The following MRAP2 variants were observed in gnomAD, a reference collection of about 807,000 sequenced individuals.
MRAP2 encodes the protein melanocortin 2 receptor accessory protein 2, also known as melanocortin-2 receptor accessory protein 2.
MRAP2 carries 20 observed loss-of-function variants against 17.4 expected under a neutral mutation model. The ratio of observed to expected loss-of-function variants is 1.15; its 90% CI spans 0.81 to 1.67. MRAP2 has a LOEUF of 1.67. Among genes scored for constraint, MRAP2 ranks in the 40% most tolerant of loss-of-function variants. The pLI, the probability that MRAP2 is intolerant of heterozygous loss-of-function variation, is 0.00. For synonymous variants in MRAP2, 96 were observed against 88.4 expected, an observed-to-expected ratio of 1.09 and a Z score of -0.48; for missense variants, 238 against 240.0, an observed-to-expected ratio of 0.99 and a Z score of 0.05.
At chr6:84,120,627 T>C in the MRAP2 span, among the ~76,000 whole-genome samples, 1 of 152,158 alleles carries the variant, frequency 6.6e-6, no homozygotes, top group African/African-American at 2.4e-5. Context: ...GAATATAGAA[T>C]CGTCATCAAA....
chr6:84,057,433 G>A (rs2497113), intron 2 of MRAP2, among the ~76,000 whole-genome samples: 47,724 of 152,058 alleles, frequency 0.31, 9,114 homozygotes, highest in African/African-American at 0.54. Flanking sequence ...TCTTTAGACT[G>A]AGTTCCTCTG....
chr6:84,062,009 G>A, intron 2 of MRAP2: 2 of 985,418 alleles, frequency 2.0e-6, no homozygotes, highest in Non-Finnish European at 2.4e-6. Flanking sequence ...CACTCAAGAG[G>A]CCATCTGTAT....
the MRAP2 span, among the ~76,000 whole-genome samples, chr6:84,114,588 A>C: frequency 1.3e-5 from 2 of 152,096 alleles, no homozygotes; most frequent in East Asian, 3.9e-4. Flanking sequence ...CAGTTCGTCA[A>C]ACTCATTCTC....
intron 3 of MRAP2, among the ~76,000 whole-genome samples, chr6:84,070,610 A>C (rs929507710): frequency 6.6e-6 from 1 of 152,186 alleles, no homozygotes; most frequent in African/African-American, 2.4e-5. Context: ...TGTAAAGTCC[A>C]TTTGTTTAAA....
intron 3 of MRAP2, among the ~76,000 whole-genome samples, chr6:84,086,823 A>C (rs1225759613): frequency 3.3e-5 from 5 of 152,178 alleles, no homozygotes; most frequent in Non-Finnish European, 7.3e-5. Context: ...CTTGTGCCTT[A>C]GTTCTCCAGC....
the MRAP2 span, among the ~76,000 whole-genome samples, chr6:84,137,906 C>T: frequency 6.6e-6 from 1 of 152,102 alleles, no homozygotes; most frequent in Non-Finnish European, 1.5e-5. Context: ...GATTTTCACC[C>T]CATTGCAGCA....
chr6:84,129,679 T>C, the MRAP2 span, among the ~76,000 whole-genome samples: 1 of 152,182 alleles, frequency 6.6e-6, no homozygotes, highest in Non-Finnish European at 1.5e-5. Context: ...TTTAATTAGA[T>C]CCCATTTGTC....
At chr6:84,081,429 G>A (rs2099498971) in intron 3 of MRAP2, among the ~76,000 whole-genome samples, 1 of 152,188 alleles carries the variant, frequency 6.6e-6, no homozygotes, top group Non-Finnish European at 1.5e-5. Flanking sequence ...GTCATGGGAG[G>A]AACCTGGTAG....
chr6:84,053,135 G>A (rs2099490861), intron 1 of MRAP2, among the ~76,000 whole-genome samples: 1 of 152,136 alleles, frequency 6.6e-6, no homozygotes, highest in Non-Finnish European at 1.5e-5. Context: ...CGTGGCCGTG[G>A]GAGAACAGCT....
At chr6:84,124,216 A>T in the MRAP2 span, 1 of 152,158 alleles carries the variant, frequency 6.6e-6, no homozygotes, top group Admixed American at 6.6e-5. Context: ...CTGGGAATCT[A>T]CCCAAAGGAA....
At chr6:84,100,091 C>T in the MRAP2 span, among the ~76,000 whole-genome samples, 1 of 151,978 alleles carries the variant, frequency 6.6e-6, no homozygotes, top group Non-Finnish European at 1.5e-5. Context: ...AACTCCTGGC[C>T]CCAAGTGATC....
At chr6:84,063,487 G>A in intron 3 of MRAP2, 4 of 907,526 alleles carry the variant, frequency 4.4e-6, no homozygotes, top group Non-Finnish European at 5.3e-6. Context: ...TTAAAACTAG[G>A]ATACAAAGGC....
chr6:84,113,238 G>T, the MRAP2 span, among the ~76,000 whole-genome samples: 1 of 152,098 alleles, frequency 6.6e-6, no homozygotes, highest in Non-Finnish European at 1.5e-5. Context: ...CTCTTTGTAG[G>T]TCTCTCAGAA....
the MRAP2 span, among the ~76,000 whole-genome samples, chr6:84,117,645 GTGTGTCTGTGTGT>G: frequency 1.9e-5 from 2 of 104,514 alleles, no homozygotes; most frequent in African/African-American, 1.7e-4. Context: ...GATGTGGGGT[GTGTGTCTGTGTGT>G]GTGTGTGTGT....
the MRAP2 span, among the ~76,000 whole-genome samples, chr6:84,130,741 T>C: frequency 1.3e-5 from 2 of 152,140 alleles, no homozygotes; most frequent in African/African-American, 4.8e-5. Context: ...ATTTGATTCT[T>C]CTCTCTTCTC....
At chr6:84,064,699 G>T (rs910670530) in intron 3 of MRAP2, among the ~76,000 whole-genome samples, 4 of 152,172 alleles carry the variant, frequency 2.6e-5, no homozygotes, top group Non-Finnish European at 5.9e-5. Context: ...ATGTTAGCCA[G>T]GATGGTCTCG....
At chr6:84,138,045 T>C in the MRAP2 span, among the ~76,000 whole-genome samples, 1 of 152,260 alleles carries the variant, frequency 6.6e-6, no homozygotes, top group Admixed American at 6.5e-5. Flanking sequence ...CTTTGCTTTA[T>C]GCTGAAAACT....
chr6:84,082,503 C>A (rs2129174440), intron 3 of MRAP2, among the ~76,000 whole-genome samples: 1 of 152,238 alleles, frequency 6.6e-6, no homozygotes, highest in Admixed American at 6.5e-5. Context: ...TACTTTAGAA[C>A]AAAAATTTAC....
At chr6:84,095,516 A>G (rs1588668206), downstream of MRAP2, among the ~76,000 whole-genome samples, 4 of 152,302 alleles carry the variant, frequency 2.6e-5, no homozygotes, top group East Asian at 7.7e-4. Flanking sequence ...GTGACTTTTT[A>G]AATGCCTGAA....
Sources: gnomAD v4.1 joint callset for allele counts (sites outside exome capture counted in the v4.1 genomes callset) on GRCh38, gnomAD v4.1.1 for gene constraint, MANE v1.5 for transcripts, NCBI Gene and HGNC (gene_info 2026-07-23, HGNC 2026-07-21) for gene names.